The following RANBP2 variants were observed in gnomAD, a reference collection of about 807,000 sequenced individuals.
RANBP2 encodes the protein RAN binding protein 2.
In RANBP2, 57 loss-of-function variants were observed where a neutral mutation model predicts 303.6. The ratio of observed to expected loss-of-function variants is 0.19; its 90% CI spans 0.15 to 0.23. RANBP2 has a LOEUF of 0.23. Ranked by LOEUF, RANBP2 falls within the 10% of genes least tolerant of loss-of-function variation. The pLI is 1.00. For missense variants in RANBP2, 3,138 were observed against 3,780.8 expected (o/e 0.83, Z 4.46); for synonymous variants, 1,167 against 1,301.5 (o/e 0.90, Z 2.23).
chr2:109,087,255 C>T, the RANBP2 span, among the ~76,000 whole-genome samples: 1 of 152,176 alleles, frequency 6.6e-6, no homozygotes, highest in South Asian at 2.1e-4. Context: ...CTGGTGTATG[C>T]TGCAGACACT....
At chr2:109,799,213 T>G in the RANBP2 span, among the ~76,000 whole-genome samples, 1 of 91,244 alleles carries the variant, frequency 1.1e-5, no homozygotes. Flanking sequence ...CACTCCAGCC[T>G]GGCGACAGAG....
chr2:109,287,081 C>A, the RANBP2 span, among the ~76,000 whole-genome samples: 1 of 152,182 alleles, frequency 6.6e-6, no homozygotes. Context: ...CTCCATGTTT[C>A]TGTGATCTCA....
the RANBP2 span, among the ~76,000 whole-genome samples, chr2:109,170,244 T>TCTCTTCTC: frequency 3.0e-5 from 1 of 32,966 alleles, no homozygotes; most frequent in African/African-American, 1.1e-4. Context: ...CTTCTTTTCT[T>TCTCTTCTC]TTCTCTTCTC....
the RANBP2 span, among the ~76,000 whole-genome samples, chr2:109,505,838 C>T: frequency 6.6e-6 from 1 of 152,116 alleles, no homozygotes; most frequent in African/African-American, 2.4e-5. Flanking sequence ...ATTGATACCT[C>T]AAGCACAAGA....
At chr2:109,234,897 A>G in the RANBP2 span, among the ~76,000 whole-genome samples, 1 of 152,250 alleles carries the variant, frequency 6.6e-6, no homozygotes, top group Non-Finnish European at 1.5e-5. Flanking sequence ...AGGGCAAACT[A>G]GTTTGTTCCA....
At chr2:108,951,346 T>G in the RANBP2 span, among the ~76,000 whole-genome samples, 1 of 152,226 alleles carries the variant, frequency 6.6e-6, no homozygotes, top group Admixed American at 6.5e-5. Context: ...CACAAAGAAC[T>G]GAACCATCAG....
chr2:108,977,146 T>C, the RANBP2 span, among the ~76,000 whole-genome samples: 1 of 152,144 alleles, frequency 6.6e-6, no homozygotes, highest in Non-Finnish European at 1.5e-5. Flanking sequence ...GGCCTGGGTT[T>C]TCCTAGATGG....
the RANBP2 span, among the ~76,000 whole-genome samples, chr2:109,069,688 A>T: frequency 1.3e-5 from 2 of 152,366 alleles, no homozygotes; most frequent in East Asian, 3.9e-4. Context: ...TTGATAACAG[A>T]TGAATGTAAA....
At chr2:109,614,529 G>T in the RANBP2 span, 2 of 1,273,780 alleles carry the variant, frequency 1.6e-6, no homozygotes, top group African/African-American at 1.6e-5. Flanking sequence ...GGCGGCGCTG[G>T]GCCCCGAGGC....
At chr2:109,011,656 C>G in the RANBP2 span, among the ~76,000 whole-genome samples, 4 of 152,140 alleles carry the variant, frequency 2.6e-5, no homozygotes, top group African/African-American at 9.7e-5. Context: ...AGCTCTGGAG[C>G]TGGATCTTCT....
At chr2:109,364,980 A>G in the RANBP2 span, among the ~76,000 whole-genome samples, 20 of 152,176 alleles carry the variant, frequency 1.3e-4, no homozygotes, top group Admixed American at 8.5e-4. Context: ...AATCCCAGCT[A>G]CTTAGGAGAC....
the RANBP2 span, among the ~76,000 whole-genome samples, chr2:109,311,618 A>G: frequency 6.6e-6 from 1 of 152,224 alleles, no homozygotes; most frequent in South Asian, 2.1e-4. Context: ...CCTAAAAGCA[A>G]TGGCCCTTGA....
rs1558947164 is a variant in RANBP2, at chr2:108,785,479, CTTT to C, written c.*1581_*1583del. ...ATAAATTCTTAAGTTAATGCAAGTG[CTTT>C]TTAAGAGACTTTTTACAGATTTGTA... On this transcript the variant is annotated 3_prime_UTR_variant, in exon 29 of 29. Coordinates refer to ENST00000283195, the MANE Select transcript of RANBP2 (RefSeq NM_006267.5). 6.6e-6 allele frequency: 1 copy of C among 152,216 alleles called. No homozygotes were observed. Among genetic ancestry groups the C allele is most frequent in the African/African-American group, 2.4e-5 (1 of 41,448 alleles). 9.4% of individuals were successfully genotyped at this position (152,216 alleles called of 1,614,324 possible).
At chr2:108,809,561 T>A in the RANBP2 span, among the ~76,000 whole-genome samples, 1 of 151,972 alleles carries the variant, frequency 6.6e-6, no homozygotes, top group South Asian at 2.1e-4. Flanking sequence ...TTAAATTTAT[T>A]CCCAGCTATT....
chr2:109,669,082 T>C, the RANBP2 span, among the ~76,000 whole-genome samples: 4 of 152,310 alleles, frequency 2.6e-5, no homozygotes, highest in South Asian at 8.3e-4. Context: ...TAACTCATCT[T>C]TGACAAAGAC....
intron 6 of RANBP2, among the ~76,000 whole-genome samples, chr2:108,739,550 C>T (rs1695903150): frequency 6.6e-6 from 1 of 152,132 alleles, no homozygotes; most frequent in Admixed American, 6.5e-5. Flanking sequence ...ATCTTTAGAC[C>T]TCACTTGCTC....
the RANBP2 span, among the ~76,000 whole-genome samples, chr2:109,459,842 G>A: frequency 1.3e-5 from 2 of 152,190 alleles, no homozygotes; most frequent in Non-Finnish European, 2.9e-5. Flanking sequence ...TGGGTTACTA[G>A]GGGTCATAAT....
chr2:109,206,428 A>T, the RANBP2 span, among the ~76,000 whole-genome samples: 1 of 139,824 alleles, frequency 7.2e-6, no homozygotes, highest in Non-Finnish European at 1.5e-5. Context: ...GAGGCAGAGC[A>T]TGCAGTTAAC....
At chr2:109,250,193 G>A in the RANBP2 span, among the ~76,000 whole-genome samples, 2 of 151,602 alleles carry the variant, frequency 1.3e-5, no homozygotes, top group Non-Finnish European at 2.9e-5. Context: ...GTTCCCTAAG[G>A]TTTTGATATA....
Sources: gnomAD v4.1 joint callset for allele counts (sites outside exome capture counted in the v4.1 genomes callset) on GRCh38, gnomAD v4.1.1 for gene constraint, MANE v1.5 for transcripts, NCBI Gene and HGNC (gene_info 2026-07-23, HGNC 2026-07-21) for gene names.